DSP: variants seen among roughly 807,000 people sequenced by gnomAD.
The protein encoded by DSP is desmoplakin.
A neutral mutation model predicts 290.6 loss-of-function variants in DSP; 114 were observed. The ratio of observed to expected loss-of-function variants is 0.39; its 90% CI spans 0.34 to 0.46. The LOEUF is 0.46. DSP is among the 20% of genes least tolerant of loss of function. The pLI is 0.99. For missense variants in DSP, 3,230 were observed against 3,495.8 expected, an observed-to-expected ratio of 0.92 and a Z score of 1.92; for synonymous variants, 1,311 against 1,316.4, an observed-to-expected ratio of 1.00 and a Z score of 0.09.
rs750607476 is a variant in DSP, at chr6:7,580,811, G to A, written c.4621G>A (p.Asp1541Asn). ...QEQELTRLRI[D>N]YERVSQERTV... Reference sequence around the variant, plus strand: ...GCAAGAACTGACACGCCTGAGGATCGACTATGAAAGGGTTTCCCAGGAGAG... The same window carrying A: ...GCAAGAACTGACACGCCTGAGGATCAACTATGAAAGGGTTTCCCAGGAGAG... Residue 1541 changes from aspartate (D) to asparagine (N), a missense_variant, in exon 23 of 24, where the codon GAC becomes AAC. Coordinates refer to ENST00000379802, the MANE Select transcript of DSP (RefSeq NM_004415.4). The surrounding 1 kb of genome is among the most constrained non-coding windows in gnomAD (Gnocchi z 4.2). 7 of 1,614,026 alleles carry A rather than the reference G, an allele frequency of 4.3e-6. No homozygotes were observed. The highest frequency in any genetic ancestry group is 4.0e-5 in the African/African-American group (3 of 74,928).
At chr6:7,552,961 T>C (rs1215861815) in intron 1 of DSP, among the ~76,000 whole-genome samples, 1 of 152,232 alleles carries the variant, frequency 6.6e-6, no homozygotes, top group Non-Finnish European at 1.5e-5. Flanking sequence ...ATCTCATAAA[T>C]TCACTTTTAA....
intron 1 of DSP, among the ~76,000 whole-genome samples, chr6:7,543,335 C>A (rs1379394151): frequency 1.3e-5 from 2 of 150,710 alleles, no homozygotes; most frequent in Non-Finnish European, 2.9e-5. Context: ...GAGTTGCAAC[C>A]TGTTTTCTGC....
intron 1 of DSP, among the ~76,000 whole-genome samples, chr6:7,546,479 T>C (rs1758173869): frequency 6.6e-6 from 1 of 152,210 alleles, no homozygotes; most frequent in African/African-American, 2.4e-5. Flanking sequence ...ATGTTTGTTA[T>C]CTCAAGCCTC....
rs796530013 is a variant in DSP at position 7,580,869 on chromosome 6, A to G, written c.4679A>G (p.Gln1560Arg). The G allele has an allele frequency of 3.2e-5, 51 of 1,614,210 alleles. No individual in the cohort carries two copies. The highest frequency in any genetic ancestry group is 4.3e-5 in the Non-Finnish European group (51 of 1,180,048). ...AAGGACCAGGATATCACGCGGTTCC[A>G]GAACTCTCTGAAAGAGCTGCAGCTG... ...TVKDQDITRFQNSLKELQLQK... is the reference protein window; with the variant it reads ...TVKDQDITRFRNSLKELQLQK... The change falls in exon 23 of 24, where the codon CAG becomes CGG. Residue 1560 changes from glutamine to arginine, a missense_variant. Coordinates refer to ENST00000379802, the MANE Select transcript of DSP (RefSeq NM_004415.4). This position sits in a 1 kb window ranked among gnomAD's most constrained non-coding sequence, Gnocchi z 4.2.
Position 7,582,561 on chromosome 6 carries a change from CAAAA to C in DSP, c.5380-80_5380-77del. The C allele has an allele frequency of 8.0e-7, 1 of 1,253,604 alleles. No individual in the cohort carries two copies. The highest frequency in any genetic ancestry group is 1.1e-6 in the Non-Finnish European group (1 of 873,192). 77.7% of individuals were successfully genotyped at this position (1,253,604 alleles called of 1,614,324 possible). On this transcript the variant is annotated intron_variant, in intron 23 of 23. Coordinates refer to ENST00000379802, the MANE Select transcript of DSP (RefSeq NM_004415.4). This position sits in a 1 kb window ranked among gnomAD's most constrained non-coding sequence, Gnocchi z 4.2. Reference sequence around the variant, plus strand: ...GCTTTTTTTTTTAAAGATAGATACACAAAAGAAAGTTAAGTCGTGATAGTAATAT... The same window carrying C: ...GCTTTTTTTTTTAAAGATAGATACACGAAAGTTAAGTCGTGATAGTAATAT...
At chr6:7,569,469 G>T in intron 12 of DSP, 129 bp downstream of exon 12, 1 of 1,378,726 alleles carries the variant, frequency 7.3e-7, no homozygotes, top group Non-Finnish European at 1.0e-6. Context: ...CTAAAAAAAG[G>T]AACCTTGTGA....
chr6:7,548,943 GT>G (rs1758253968), intron 1 of DSP, among the ~76,000 whole-genome samples: 1 of 152,208 alleles, frequency 6.6e-6, no homozygotes, highest in African/African-American at 2.4e-5. Context: ...TAGGTTAAGT[GT>G]TTGTAGGAGT....
Position 7,574,683 on chromosome 6 carries a change from A to T in DSP, c.2324A>T (p.Gln775Leu). Residue 775 changes from glutamine (Q) to leucine (L), a missense_variant, in exon 17 of 24, where the codon CAG becomes CTG. Coordinates refer to ENST00000379802, the MANE Select transcript of DSP (RefSeq NM_004415.4). ...NSLCTVRALL[Q>L]AILQTEDMLK... Reference sequence around the variant, plus strand: ...TTATGCACAGTAAGGGCACTGCTCCAGGCTATTCTCCAAACAGAAGACATG... The same window carrying T: ...TTATGCACAGTAAGGGCACTGCTCCTGGCTATTCTCCAAACAGAAGACATG... The T allele has an allele frequency of 6.2e-7, 1 of 1,614,120 alleles. No individual in the cohort carries two copies. Among genetic ancestry groups the T allele is most frequent in the Non-Finnish European group, 8.5e-7 (1 of 1,179,994 alleles).
chr6:7,574,763 G>A lies in DSP; in HGVS notation c.2404G>A (p.Asp802Asn), dbSNP rs770105310. The part of the protein sequence containing the change: ...TEEETVCLDL[D>N]KVEAYRCGLK... ...GGAGGAAACTGTCTGCCTGGACCTG[G>A]ATAAAGTGGAAGCTTACCGCTGTGG... The change falls in exon 17 of 24, where the codon GAT becomes AAT. Residue 802 changes from aspartate (D) to asparagine (N), a missense_variant. Physicochemically the swap from Asp to Asn is conservative, Grantham distance 23. This residue lies in a region of DSP where 1,714 missense variants were observed against 1,844.5 expected (regional missense o/e 0.93). Transcript: ENST00000379802. 7 of 1,614,184 alleles carry A rather than the reference G, an allele frequency of 4.3e-6. No homozygotes were observed. Among genetic ancestry groups the A allele is most frequent in the Non-Finnish European group, 5.1e-6 (6 of 1,180,034 alleles).
rs546320453 is a variant in DSP at position 7,566,422 on chromosome 6, C to T, written c.985C>T (p.Leu329=). 1.2e-6 allele frequency: 2 copies of T among 1,613,822 alleles called. No homozygotes were observed. The highest frequency in any genetic ancestry group is 4.5e-5 in the East Asian group (2 of 44,868). ...AGTTAAAGAAAAAGAGCTCAATAAGCTGAAACAAGAAAGTGACCAACTTGT... is the reference window on the plus strand; with the variant it reads ...AGTTAAAGAAAAAGAGCTCAATAAGTTGAAACAAGAAAGTGACCAACTTGT... ...LEVKEKELNK[L]KQESDQLVLN... is the part of the protein sequence containing the mutation. Residue 329 remains leucine, a synonymous_variant, in exon 8 of 24, where the codon CTG becomes TTG. Transcript: ENST00000379802.
chr6:7,558,203 C>T lies in DSP; in HGVS notation c.361C>T (p.Leu121Phe). ...CCAGGCCAATGACCAAATGGAAATC[C>T]TCGACAGCTTGATCAGAGAGATGCG... ...FAQANDQMEI[L>F]DSLIREMRQM... Residue 121 changes from leucine to phenylalanine, a missense_variant, in exon 3 of 24, where the codon CTC becomes TTC. Transcript: ENST00000379802. 1 of 1,614,194 alleles carries T rather than the reference C, an allele frequency of 6.2e-7. No individual in the cohort carries two copies. The highest frequency in any genetic ancestry group is 8.5e-7 in the Non-Finnish European group (1 of 1,180,046).
Position 7,568,565 on chromosome 6 carries a change from T to C in DSP, c.1395T>C (p.Ala465=), listed in dbSNP as rs778926592. 8.1e-6 allele frequency: 13 copies of C among 1,614,028 alleles called. No homozygotes were observed. In the South Asian group the frequency reaches 1.3e-4, roughly 16 times the overall value. ...YRSNKPIILR[A]LCDYKQDQKI... ...GCAATAAACCCATTATTCTCAGAGC[T>C]CTCTGTGACTACAAACAAGATCAGG... The change falls in exon 11 of 24, where the codon GCT becomes GCC. Residue 465 remains alanine (A), a synonymous_variant. Transcript: ENST00000379802.
intron 1 of DSP, among the ~76,000 whole-genome samples, chr6:7,543,393 CTTTTTTTT>C (rs397886749): frequency 1.7e-4 from 14 of 80,032 alleles, no homozygotes; most frequent in East Asian, 1.5e-3. Context: ...TCTATTTTCG[CTTTTTTTT>C]TTTTTTTTTT....
At chr6:7,548,323 G>C (rs1431023891) in intron 1 of DSP, among the ~76,000 whole-genome samples, 1 of 152,150 alleles carries the variant, frequency 6.6e-6, no homozygotes, top group African/African-American at 2.4e-5. Context: ...GCCTCCGCAA[G>C]TAAGAGCTAT....
intron 1 of DSP, among the ~76,000 whole-genome samples, chr6:7,546,261 G>A (rs1758167785): frequency 6.6e-6 from 1 of 152,174 alleles, no homozygotes; most frequent in African/African-American, 2.4e-5. Context: ...GAGAAAACAG[G>A]CCCAGAGCTC....
intron 1 of DSP, among the ~76,000 whole-genome samples, chr6:7,547,578 G>C (rs1448208889): frequency 6.6e-6 from 1 of 151,454 alleles, no homozygotes; most frequent in Non-Finnish European, 1.5e-5. Context: ...ACAGGCGTGC[G>C]CCACCATACA....
In DSP at chr6:7,586,057, T is replaced by C; in HGVS notation, c.*179T>C. 1.5e-6 allele frequency: 1 copy of C among 665,394 alleles called. No individual in the cohort carries two copies. Among genetic ancestry groups the C allele is most frequent in the Non-Finnish European group, 2.5e-6 (1 of 394,680 alleles). 41.2% of individuals were successfully genotyped at this position (665,394 alleles called of 1,614,324 possible). A position where few individuals can be genotyped will look rare whatever the true frequency, so the allele number is the denominator to read the frequency against. Reference sequence around the variant, plus strand: ...AGGCTGTTCTGGCTTTTTATCTTCTTAGCTCATCTTAAATAAGCAGTACAC... The same window carrying C: ...AGGCTGTTCTGGCTTTTTATCTTCTCAGCTCATCTTAAATAAGCAGTACAC... On this transcript the variant is annotated 3_prime_UTR_variant, in exon 24 of 24. Coordinates refer to ENST00000379802, the MANE Select transcript of DSP (RefSeq NM_004415.4).
At position 7,571,432 on chromosome 6, in the gene DSP, A is replaced by G; in HGVS notation, c.1751A>G (p.Glu584Gly). ...TACATGAAGACGATAGCCGACCTTG[A>G]GTTACATTACCAAGAGTTCATCAGA... Reference protein sequence around the residue: ...EDYMKTIADLELHYQEFIRNS... With the variant: ...EDYMKTIADLGLHYQEFIRNS... Residue 584 changes from glutamate to glycine, a missense_variant, in exon 14 of 24, where the codon GAG becomes GGG. Coordinates refer to ENST00000379802, the MANE Select transcript of DSP (RefSeq NM_004415.4). 6.2e-7 allele frequency: 1 copy of G among 1,614,178 alleles called. No individual in the cohort carries two copies. Among genetic ancestry groups the G allele is most frequent in the Non-Finnish European group, 8.5e-7 (1 of 1,180,044 alleles).
At chr6:7,542,151 GGAC>G (rs1259527448) in intron 1 of DSP, 66 bp downstream of exon 1, 1 of 1,531,356 alleles carries the variant, frequency 6.5e-7, no homozygotes, top group Non-Finnish European at 8.8e-7. Context: ...GTCCTCCTCT[GGAC>G]GACTGGGAGA....
Sources: allele counts gnomAD v4.1 joint callset (sites outside exome capture counted in the v4.1 genomes callset), GRCh38; gene constraint gnomAD v4.1.1; regional missense constraint gnomAD v4.1.1; non-coding constraint Gnocchi (gnomAD v3.1); transcripts MANE v1.5; gene names NCBI Gene and HGNC (gene_info 2026-07-23, HGNC 2026-07-21).